The following DLG2 variants were observed in gnomAD, a reference collection of about 807,000 sequenced individuals.
The protein encoded by DLG2 is disks large homolog 2.
A neutral mutation model predicts 132.5 loss-of-function variants in DLG2; 45 were observed. The ratio of observed to expected loss-of-function variants is 0.34; its 90% CI spans 0.27 to 0.44. DLG2 has a LOEUF of 0.44. Among genes scored for constraint, DLG2 ranks in the 20% least tolerant of loss-of-function variants. DLG2 has a pLI of 1.00. For missense variants in DLG2, 1,045 were observed against 1,196.9 expected, an observed-to-expected ratio of 0.87 and a Z score of 1.87; for synonymous variants, 424 against 419.6, an observed-to-expected ratio of 1.01 and a Z score of -0.13.
chr11:83,691,997 G>T (rs748477953), intron 18 of DLG2: 1 of 152,150 alleles, frequency 6.6e-6, no homozygotes, highest in Admixed American at 6.5e-5. Flanking sequence ...CCGCAAACAG[G>T]AATTTGTTAT....
chr11:83,714,619 G>A (rs1413404739), intron 18 of DLG2, among the ~76,000 whole-genome samples: 1 of 152,166 alleles, frequency 6.6e-6, no homozygotes, highest in African/African-American at 2.4e-5. Flanking sequence ...TTTGAAAGAT[G>A]AGTAGCATTT....
chr11:84,538,590 C>T (rs554266646), intron 6 of DLG2, among the ~76,000 whole-genome samples: 5 of 151,424 alleles, frequency 3.3e-5, no homozygotes, highest in Admixed American at 1.3e-4. Flanking sequence ...GCTTCCCTTA[C>T]TCCCTATGTT....
At chr11:85,356,673 C>A (rs900839806) in intron 3 of DLG2, among the ~76,000 whole-genome samples, 7 of 152,038 alleles carry the variant, frequency 4.6e-5, no homozygotes, top group African/African-American at 1.4e-4. Flanking sequence ...TTCATATTTA[C>A]AAAAGAGGTA....
At position 84,510,094 on chromosome 11, in the gene DLG2, CTTATTATTA is replaced by C. The variant is rs10680572; in HGVS notation, c.519+24467_519+24475del. On this transcript the variant is annotated intron_variant, in intron 7 of 27. Coordinates refer to ENST00000376104, the MANE Select transcript of DLG2 (RefSeq NM_001142699.3). ...ACAATCAGAAAGTAGTAAGAGTTCACTTATTATTATTATTATTATTATTATTATTATGTT... is the reference window on the plus strand; with the variant it reads ...ACAATCAGAAAGTAGTAAGAGTTCACTTATTATTATTATTATTATTATGTT... Among the ~76,000 whole-genome samples the C allele has an allele frequency of 3.8e-4, 55 of 146,578 alleles. No individual in the cohort carries two copies. The East Asian group carries it at 4.0e-3, about 11-fold the overall frequency.
At chr11:84,401,597 T>C (rs563164524) in intron 7 of DLG2, among the ~76,000 whole-genome samples, 8 of 152,104 alleles carry the variant, frequency 5.3e-5, no homozygotes, top group Non-Finnish European at 8.8e-5. Context: ...TCAATGTAAA[T>C]ATCTATGGAG....
intron 15 of DLG2, among the ~76,000 whole-genome samples, chr11:83,904,286 T>C (rs1231775034): frequency 6.6e-6 from 1 of 152,212 alleles, no homozygotes; most frequent in African/African-American, 2.4e-5. Flanking sequence ...TTCCATTTAA[T>C]ATTTTTAGAC....
At chr11:84,020,158 G>A (rs1252716045) in intron 11 of DLG2, among the ~76,000 whole-genome samples, 3 of 152,060 alleles carry the variant, frequency 2.0e-5, no homozygotes, top group African/African-American at 7.2e-5. Flanking sequence ...GGATATTAAA[G>A]GAAAAGGGGA....
At chr11:85,145,713 G>C (rs562945154) in intron 5 of DLG2, among the ~76,000 whole-genome samples, 16 of 151,842 alleles carry the variant, frequency 1.1e-4, no homozygotes, top group Non-Finnish European at 1.9e-4. Context: ...TAAATTTCTG[G>C]GATAAGATTT....
intron 6 of DLG2, among the ~76,000 whole-genome samples, chr11:84,999,438 T>A (rs534372574): frequency 6.6e-6 from 1 of 152,282 alleles, no homozygotes; most frequent in South Asian, 2.1e-4. Flanking sequence ...ATTTTAGATA[T>A]CCTTCACAAA....
chr11:85,002,788 A>G (rs1015843578), intron 6 of DLG2, among the ~76,000 whole-genome samples: 1 of 151,376 alleles, frequency 6.6e-6, no homozygotes, highest in Non-Finnish European at 1.5e-5. Context: ...CACCTCCTCT[A>G]TCTCTTCTGC....
At chr11:85,375,854 A>G (rs1289281584) in intron 3 of DLG2, among the ~76,000 whole-genome samples, 1 of 152,208 alleles carries the variant, frequency 6.6e-6, no homozygotes, top group Non-Finnish European at 1.5e-5. Flanking sequence ...GAAACTTAAT[A>G]AACACTTTAA....
chr11:85,617,607 G>T (rs2081425806), intron 2 of DLG2, among the ~76,000 whole-genome samples: 1 of 152,194 alleles, frequency 6.6e-6, no homozygotes. Context: ...ATGGATAAAT[G>T]ATTGAATAAA....
intron 3 of DLG2, among the ~76,000 whole-genome samples, chr11:85,332,674 G>A (rs960964902): frequency 6.6e-6 from 1 of 152,124 alleles, no homozygotes; most frequent in African/African-American, 2.4e-5. Flanking sequence ...TTCTGTGTAT[G>A]ACTGGCCAGT....
At chr11:84,072,480 G>A (rs1164740411) in intron 10 of DLG2, among the ~76,000 whole-genome samples, 5 of 152,218 alleles carry the variant, frequency 3.3e-5, no homozygotes, top group Admixed American at 2.0e-4. Flanking sequence ...TAATGCAGGA[G>A]TACATAACAG....
At chr11:85,338,545 T>C (rs1489656657) in intron 3 of DLG2, among the ~76,000 whole-genome samples, 1 of 152,092 alleles carries the variant, frequency 6.6e-6, no homozygotes, top group African/African-American at 2.4e-5. Flanking sequence ...AGTTTGGTGG[T>C]GTGTGAAGGG....
intron 4 of DLG2, among the ~76,000 whole-genome samples, chr11:85,258,854 C>A (rs2152709897): frequency 6.6e-6 from 1 of 152,304 alleles, no homozygotes; most frequent in South Asian, 2.1e-4. Context: ...ATGGAACTAA[C>A]ACTTATTGAG....
intron 3 of DLG2, among the ~76,000 whole-genome samples, chr11:85,460,286 G>C (rs2092564383): frequency 6.6e-6 from 1 of 152,178 alleles, no homozygotes; most frequent in Non-Finnish European, 1.5e-5. Context: ...TGGCTCCCAG[G>C]ATTCCATGTG....
chr11:85,080,845 G>C (rs931104220), intron 6 of DLG2, among the ~76,000 whole-genome samples: 78 of 152,154 alleles, frequency 5.1e-4, no homozygotes, highest in African/African-American at 1.8e-3. Flanking sequence ...CTGTAACCTT[G>C]GGGTGATTAA....
chr11:83,727,653 G>C (rs1441755344), intron 18 of DLG2, among the ~76,000 whole-genome samples: 1 of 152,044 alleles, frequency 6.6e-6, no homozygotes, highest in African/African-American at 2.4e-5. Context: ...TTTTAATATA[G>C]TCCATGTAAA....
Sources: gnomAD v4.1 joint callset for allele counts (sites outside exome capture counted in the v4.1 genomes callset) on GRCh38, gnomAD v4.1.1 for gene constraint, MANE v1.5 for transcripts, NCBI Gene and HGNC (gene_info 2026-07-23, HGNC 2026-07-21) for gene names.